Variants in TMEM179 observed in about 807,000 individuals in gnomAD.
The protein encoded by TMEM179 is transmembrane protein 179A.
TMEM179 carries 17 observed loss-of-function variants against 22.2 expected under a neutral mutation model. The ratio of observed to expected loss-of-function variants is 0.77; its 90% CI spans 0.52 to 1.15. TMEM179 has a LOEUF of 1.15. TMEM179 is among the 50% of genes most tolerant of loss of function. The pLI is 0.00. For missense variants in TMEM179, 265 were observed against 313.6 expected, an observed-to-expected ratio of 0.84 and a Z score of 1.17; for synonymous variants, 127 against 140.5, an observed-to-expected ratio of 0.90 and a Z score of 0.68.
At chr14:104,596,164 C>A (rs1245150529) in intron 2 of TMEM179, among the ~76,000 whole-genome samples, 3 of 152,248 alleles carry the variant, frequency 2.0e-5, no homozygotes, top group African/African-American at 7.2e-5. Flanking sequence ...AACAGACAGG[C>A]AGGGAGCCCC....
intron 1 of TMEM179, among the ~76,000 whole-genome samples, chr14:104,601,686 C>A (rs906992558): frequency 6.6e-6 from 1 of 152,218 alleles, no homozygotes; most frequent in South Asian, 2.1e-4. Context: ...CACCAGATGT[C>A]CCTGGAAAAG....
intron 1 of TMEM179, among the ~76,000 whole-genome samples, chr14:104,600,396 C>A (rs1372969937): frequency 2.0e-5 from 3 of 152,234 alleles, no homozygotes; most frequent in Non-Finnish European, 2.9e-5. Context: ...AGGCTCAGCG[C>A]CGGCACGGGC....
rs1438806753 is a variant in TMEM179, at chr14:104,595,360, G to A, written c.444-117C>T. On this transcript the variant is annotated intron_variant, in intron 2 of 3. Transcript: ENST00000556573. The surrounding 1 kb of genome is among the most constrained non-coding windows in gnomAD (Gnocchi z 5.7). ...CCCTACAATTGTTGGGCGAGGGGGTGGGCAGCAGGGAGTCTCTGGGGACAT... is the reference window on the plus strand; with the variant it reads ...CCCTACAATTGTTGGGCGAGGGGGTAGGCAGCAGGGAGTCTCTGGGGACAT... 3 of 972,124 alleles carry A rather than the reference G, an allele frequency of 3.1e-6. No individual in the cohort carries two copies. The highest frequency in any genetic ancestry group is 4.6e-6 in the Non-Finnish European group (3 of 652,022). 60.2% of individuals were successfully genotyped at this position (972,124 alleles called of 1,614,324 possible).
In TMEM179 at chr14:104,595,779, A is replaced by G. The variant is rs1208062565; in HGVS notation, c.444-536T>C. Among the ~76,000 whole-genome samples the G allele has an allele frequency of 6.6e-6, 1 of 152,238 alleles. No homozygotes were observed. Among genetic ancestry groups the G allele is most frequent in the African/African-American group, 2.4e-5 (1 of 41,468 alleles). ...CCATCACGGAGGCATCTGTGGAAGC[A>G]GTGGGCATCAGAGGGCCCAGGAGTG... is the stretch of plus-strand genomic sequence containing the variant. On this transcript the variant is annotated intron_variant, in intron 2 of 3. Transcript: ENST00000556573. This position sits in a 1 kb window ranked among gnomAD's most constrained non-coding sequence, Gnocchi z 5.7.
At position 104,591,073 on chromosome 14, in the gene TMEM179, C is replaced by T. The variant is rs774301032; in HGVS notation, c.*2406G>A. ...ACCCTGGAGAGCCCACGACCAGGGCCGCCAGCCCCTGCCCAGCACACTGCA... is the reference window on the plus strand; with the variant it reads ...ACCCTGGAGAGCCCACGACCAGGGCTGCCAGCCCCTGCCCAGCACACTGCA... On this transcript the variant is annotated 3_prime_UTR_variant, in exon 4 of 4. Transcript: ENST00000556573. 7 of 265,344 alleles carry T rather than the reference C, an allele frequency of 2.6e-5. No homozygotes were observed. Among genetic ancestry groups the T allele is most frequent in the East Asian group, 1.5e-4 (1 of 6,834 alleles). 16.4% of individuals were successfully genotyped at this position (265,344 alleles called of 1,614,324 possible).
At position 104,597,154 on chromosome 14, in the gene TMEM179, C is replaced by T; in HGVS notation, c.306-27G>A. The T allele has an allele frequency of 6.4e-7, 1 of 1,562,332 alleles. No homozygotes were observed. The highest frequency in any genetic ancestry group is 8.7e-7 in the Non-Finnish European group (1 of 1,155,860). ...TGCAGCCAGAAACAGGAGGGGCAGGCTCACTGGACACCACCTCCCAGGCGA... is the reference window on the plus strand; with the variant it reads ...TGCAGCCAGAAACAGGAGGGGCAGGTTCACTGGACACCACCTCCCAGGCGA... On this transcript the variant is annotated intron_variant, in intron 1 of 3. Transcript: ENST00000556573. This position sits in a 1 kb window ranked among gnomAD's most constrained non-coding sequence, Gnocchi z 4.8.
intron 3 of TMEM179, chr14:104,594,277 A>C (rs1168035169): frequency 1.6e-6 from 2 of 1,231,676 alleles, no homozygotes; most frequent in Non-Finnish European, 2.0e-6. Flanking sequence ...CTCGGCAAAG[A>C]GCATTCAGGC....
rs1887060163 is a variant in TMEM179, at chr14:104,597,216, C to T, written c.306-89G>A. 4 of 1,484,676 alleles carry T rather than the reference C, an allele frequency of 2.7e-6. No homozygotes were observed. The highest frequency in any genetic ancestry group is 2.5e-5 in the East Asian group (1 of 40,492). The allele number at this position is 1,484,676 out of a possible 1,614,324, so 92.0% of individuals were successfully genotyped here. ...AGGCTGCAGCCAGAAACAGGAGGGG[C>T]AGGCTCACTGGACGCCATCTCCTGG... On this transcript the variant is annotated intron_variant, in intron 1 of 3. Coordinates refer to ENST00000556573, the MANE Select transcript of TMEM179 (RefSeq NM_001286389.2). The surrounding 1 kb of genome is among the most constrained non-coding windows in gnomAD (Gnocchi z 4.8).
At chr14:104,596,280 C>T (rs1887019211) in intron 2 of TMEM179, among the ~76,000 whole-genome samples, 1 of 152,220 alleles carries the variant, frequency 6.6e-6, no homozygotes, top group Non-Finnish European at 1.5e-5. Flanking sequence ...GGGTTTTGGC[C>T]TGGGGCACTG....
At chr14:104,603,245 C>G (rs1264417426) in intron 1 of TMEM179, among the ~76,000 whole-genome samples, 1 of 152,220 alleles carries the variant, frequency 6.6e-6, no homozygotes, top group African/African-American at 2.4e-5. Context: ...CCTCTCTCAG[C>G]CAAAACCAAG....
intron 1 of TMEM179, among the ~76,000 whole-genome samples, chr14:104,602,708 G>A (rs1185288005): frequency 1.3e-5 from 2 of 152,212 alleles, no homozygotes; most frequent in African/African-American, 4.8e-5. Flanking sequence ...ACACCACCCT[G>A]CGCCCGGCCT....
Position 104,592,248 on chromosome 14 carries a change from CTA to C in TMEM179, c.*1229_*1230del, listed in dbSNP as rs1392829809. The C allele has an allele frequency of 6.5e-6, 1 of 154,230 alleles. No homozygotes were observed. The highest frequency in any genetic ancestry group is 1.9e-4 in the East Asian group (1 of 5,214). The allele number at this position is 154,230 out of a possible 1,614,324, so 9.6% of individuals were successfully genotyped here. On this transcript the variant is annotated 3_prime_UTR_variant, in exon 4 of 4. Coordinates refer to ENST00000556573, the MANE Select transcript of TMEM179 (RefSeq NM_001286389.2). ...CTGCACACACTGCAGACACACCTGC[CTA>C]GACACTCACACCTACACACTCTTCC...
intron 1 of TMEM179, among the ~76,000 whole-genome samples, chr14:104,598,502 A>T (rs1228423005): frequency 6.6e-6 from 1 of 152,250 alleles, no homozygotes; most frequent in Non-Finnish European, 1.5e-5. Flanking sequence ...GCTGCTGATG[A>T]GGCAAAGTGG....
intron 2 of TMEM179, among the ~76,000 whole-genome samples, chr14:104,596,525 C>G (rs1163756003): frequency 6.6e-6 from 1 of 152,216 alleles, no homozygotes; most frequent in Non-Finnish European, 1.5e-5. Context: ...AAACTCCTCA[C>G]CATGAGGACC....
At chr14:104,602,393 G>A (rs1247983639) in intron 1 of TMEM179, among the ~76,000 whole-genome samples, 1 of 152,168 alleles carries the variant, frequency 6.6e-6, no homozygotes, top group Non-Finnish European at 1.5e-5. Flanking sequence ...GGACACCCAG[G>A]AGGTGAAGAA....
chr14:104,601,756 G>T (rs997504952), intron 1 of TMEM179, among the ~76,000 whole-genome samples: 8 of 152,150 alleles, frequency 5.3e-5, no homozygotes, highest in African/African-American at 1.9e-4. Context: ...TGAAGCAAAG[G>T]AGCTGAACCT....
Position 104,597,817 on chromosome 14 carries a change from G to A in TMEM179, c.306-690C>T, listed in dbSNP as rs367722949. Among the ~76,000 whole-genome samples, 52 of 152,294 alleles carry A rather than the reference G, an allele frequency of 3.4e-4. No individual in the cohort carries two copies. Among genetic ancestry groups the A allele is most frequent in the Non-Finnish European group, 5.3e-4 (36 of 68,010 alleles). On this transcript the variant is annotated intron_variant, in intron 1 of 3. Transcript: ENST00000556573. The surrounding 1 kb of genome is among the most constrained non-coding windows in gnomAD (Gnocchi z 4.8). ...TTCCATTCACCCGCAGGTCATCAGC[G>A]CGTGGCCTGGACCCCTGGTAGGACT... is the stretch of plus-strand genomic sequence containing the variant.
intron 1 of TMEM179, among the ~76,000 whole-genome samples, chr14:104,601,719 G>T (rs1168159709): frequency 6.6e-6 from 1 of 152,186 alleles, no homozygotes; most frequent in Non-Finnish European, 1.5e-5. Flanking sequence ...GGAGGTCAGT[G>T]GTGGGAGGAT....
intron 2 of TMEM179, among the ~76,000 whole-genome samples, chr14:104,596,644 C>A (rs1887033008): frequency 6.6e-6 from 1 of 152,204 alleles, no homozygotes; most frequent in Non-Finnish European, 1.5e-5. Context: ...GACCCGGGGC[C>A]ATGCTGCACG....
Sources: gnomAD v4.1 joint callset for allele counts (sites outside exome capture counted in the v4.1 genomes callset) on GRCh38, gnomAD v4.1.1 for gene constraint, Gnocchi (gnomAD v3.1) non-coding constraint, MANE v1.5 for transcripts, NCBI Gene and HGNC (gene_info 2026-07-23, HGNC 2026-07-21) for gene names.